The following CLASP2 variants were observed in gnomAD, a reference collection of about 807,000 sequenced individuals.
CLASP2 encodes the protein CLIP-associating protein 2.
In CLASP2, 47 loss-of-function variants were observed where a neutral mutation model predicts 194.4. The observed-to-expected ratio is 0.24, with a 90% CI of 0.19 to 0.31. The LOEUF (loss-of-function observed/expected upper bound fraction) is 0.31. Among genes scored for constraint, CLASP2 ranks in the 10% least tolerant of loss-of-function variants. CLASP2 has a pLI of 1.00. For missense variants in CLASP2, 1,445 were observed against 1,823.6 expected, an observed-to-expected ratio of 0.79 and a Z score of 3.78; for synonymous variants, 619 against 633.5, an observed-to-expected ratio of 0.98 and a Z score of 0.34.
At chr3:33,554,034 C>T (rs540547842) in intron 29 of CLASP2, among the ~76,000 whole-genome samples, 107 of 152,132 alleles carry the variant, frequency 7.0e-4, no homozygotes, top group African/African-American at 2.4e-3. Flanking sequence ...CAAGGCCAGC[C>T]GGGGCCAACG....
intron 8 of CLASP2, among the ~76,000 whole-genome samples, chr3:33,636,624 C>T (rs916944161): frequency 6.6e-6 from 1 of 152,154 alleles, no homozygotes; most frequent in Non-Finnish European, 1.5e-5. Context: ...TTTATTGCGA[C>T]AGAGTTTCGC....
At chr3:33,705,973 C>G (rs561205116) in intron 1 of CLASP2, among the ~76,000 whole-genome samples, 1 of 152,110 alleles carries the variant, frequency 6.6e-6, no homozygotes, top group South Asian at 2.1e-4. Flanking sequence ...ACAATGATGG[C>G]TGGGTGCGGT....
chr3:33,578,613 G>A (rs1455692025), intron 23 of CLASP2, among the ~76,000 whole-genome samples: 1 of 152,162 alleles, frequency 6.6e-6, no homozygotes, highest in African/African-American at 2.4e-5. Flanking sequence ...GCCCCGAAAG[G>A]TGACTGGTAT....
At chr3:33,704,917 T>C (rs2154354656) in intron 1 of CLASP2, among the ~76,000 whole-genome samples, 1 of 152,092 alleles carries the variant, frequency 6.6e-6, no homozygotes, top group East Asian at 1.9e-4. Context: ...GGACGTAGAG[T>C]GATTGGAACC....
At chr3:33,712,995 AG>A (rs2093093828) in intron 1 of CLASP2, among the ~76,000 whole-genome samples, 1 of 138,948 alleles carries the variant, frequency 7.2e-6, no homozygotes, top group African/African-American at 2.7e-5. Context: ...CTGGGCGACA[AG>A]AGCAAAACTC....
At chr3:33,642,272 T>C (rs1489824921) in intron 8 of CLASP2, among the ~76,000 whole-genome samples, 2 of 151,886 alleles carry the variant, frequency 1.3e-5, no homozygotes, top group African/African-American at 2.4e-5. Context: ...ACACGGTTTA[T>C]AGAAGGAGAA....
intron 11 of CLASP2, among the ~76,000 whole-genome samples, chr3:33,620,205 C>T (rs544058299): frequency 5.9e-5 from 9 of 152,274 alleles, no homozygotes; most frequent in Middle Eastern, 3.4e-3. Context: ...AATAGTATCA[C>T]GCCTTTTTTA....
At chr3:33,553,879 C>T (rs1291031336) in intron 29 of CLASP2, among the ~76,000 whole-genome samples, 3 of 152,082 alleles carry the variant, frequency 2.0e-5, no homozygotes, top group African/African-American at 7.2e-5. Context: ...GAAATCAGAA[C>T]GTGGAAGTGA....
At chr3:33,508,058 G>C (rs1469164351) in intron 37 of CLASP2, among the ~76,000 whole-genome samples, 1 of 151,408 alleles carries the variant, frequency 6.6e-6, no homozygotes, top group Non-Finnish European at 1.5e-5. Flanking sequence ...GCAGTGGCAT[G>C]ATCACAGCAC....
At chr3:33,673,909 T>C (rs2087931393) in intron 6 of CLASP2, among the ~76,000 whole-genome samples, 1 of 152,116 alleles carries the variant, frequency 6.6e-6, no homozygotes, top group Non-Finnish European at 1.5e-5. Context: ...TAAATATATA[T>C]GCACCCAATA....
intron 6 of CLASP2, among the ~76,000 whole-genome samples, chr3:33,665,367 GGA>G (rs909365281): frequency 6.6e-6 from 1 of 152,108 alleles, no homozygotes; most frequent in Non-Finnish European, 1.5e-5. Context: ...TACGAATATG[GGA>G]GAGAGGAGGG....
intron 6 of CLASP2, among the ~76,000 whole-genome samples, chr3:33,680,908 C>T (rs1165013601): frequency 2.6e-5 from 4 of 151,988 alleles, no homozygotes; most frequent in East Asian, 1.9e-4. Context: ...AGGCGGATCA[C>T]GAGGTCAGGA....
At chr3:33,505,975 C>T (rs1479688825) in intron 37 of CLASP2, among the ~76,000 whole-genome samples, 1 of 152,166 alleles carries the variant, frequency 6.6e-6, no homozygotes, top group African/African-American at 2.4e-5. Flanking sequence ...AAATATTATA[C>T]TATGTCCTGG....
rs913498291 is a variant in CLASP2, at chr3:33,496,461, T to C, written c.*2170A>G. ...GTGATTTAAATAATCAGCTTTCTTA[T>C]AGTCTTATCAACTGAGATTATAAAA... On this transcript the variant is annotated 3_prime_UTR_variant, in exon 39 of 39. Transcript: ENST00000682230. 4 of 152,332 alleles carry C rather than the reference T, an allele frequency of 2.6e-5. No individual in the cohort carries two copies. Among genetic ancestry groups the C allele is most frequent in the Non-Finnish European group, 4.4e-5 (3 of 68,012 alleles). The allele number at this position is 152,332 out of a possible 1,614,324, so 9.4% of individuals were successfully genotyped here.
At chr3:33,686,055 G>A (rs2090629915) in intron 5 of CLASP2, among the ~76,000 whole-genome samples, 1 of 152,150 alleles carries the variant, frequency 6.6e-6, no homozygotes, top group South Asian at 2.1e-4. Flanking sequence ...CTGAATACAG[G>A]AATTTGAAAG....
Position 33,684,393 on chromosome 3 carries a change from T to A in CLASP2, c.610A>T (p.Met204Leu), listed in dbSNP as rs755059226. The change falls in exon 6 of 39, where the codon ATG (methionine) becomes TTG (leucine). Residue 204 changes from methionine to leucine, a missense_variant. Physicochemically the swap from Met to Leu is conservative, Grantham distance 15. This residue lies in a region of CLASP2 where 332 missense variants were observed against 325.3 expected (regional missense o/e 1.02). Coordinates refer to ENST00000682230, the MANE Select transcript of CLASP2 (RefSeq NM_001365631.1). The stretch of plus-strand genomic sequence containing the variant: ...GGAATTCCTCTCTTATAAAGATCCA[T>A]CCTCACTTTTTCTCCCACATGTCTA... ...IYRHVGEKVR[M>L]DLYKRGIPPA... The A allele has an allele frequency of 6.2e-7, 1 of 1,604,740 alleles. No individual in the cohort carries two copies. Among genetic ancestry groups the A allele is most frequent in the Non-Finnish European group, 8.5e-7 (1 of 1,175,156 alleles).
chr3:33,711,917 T>C (rs1166890547), intron 1 of CLASP2, among the ~76,000 whole-genome samples: 1 of 152,176 alleles, frequency 6.6e-6, no homozygotes, highest in Non-Finnish European at 1.5e-5. Flanking sequence ...AGGAACACTT[T>C]AATACTGCTG....
intron 27 of CLASP2, among the ~76,000 whole-genome samples, chr3:33,565,818 A>T (rs1452168334): frequency 2.0e-5 from 3 of 151,580 alleles, no homozygotes; most frequent in African/African-American, 7.3e-5. Context: ...TCTCAAAAAA[A>T]AGAAAAAAAA....
At chr3:33,597,810 T>C (rs1199270377) in intron 18 of CLASP2, among the ~76,000 whole-genome samples, 1 of 151,184 alleles carries the variant, frequency 6.6e-6, no homozygotes, top group Non-Finnish European at 1.5e-5. Flanking sequence ...TGGAGTGCAA[T>C]GGCACAATCT....
Sources: gnomAD v4.1 joint callset for allele counts (sites outside exome capture counted in the v4.1 genomes callset) on GRCh38, gnomAD v4.1.1 for gene constraint, gnomAD v4.1.1 regional missense constraint, MANE v1.5 for transcripts, NCBI Gene and HGNC (gene_info 2026-07-23, HGNC 2026-07-21) for gene names.